The following HSD17B4 variants were observed in gnomAD, a reference collection of about 807,000 sequenced individuals.
HSD17B4 encodes peroxisomal multifunctional enzyme type 2.
A neutral mutation model predicts 101.0 loss-of-function variants in HSD17B4; 70 were observed. That is an observed-to-expected ratio of 0.69 (90% CI 0.57 to 0.85). The LOEUF (loss-of-function observed/expected upper bound fraction) is 0.85, where lower values mean the gene tolerates loss of function less well. Among genes scored for constraint, HSD17B4 ranks in the 40% least tolerant of loss-of-function variants. The pLI is 0.00. For missense variants in HSD17B4, 984 were observed against 892.4 expected (o/e 1.10, Z -1.31); for synonymous variants, 347 against 297.1 (o/e 1.17, Z -1.73).
intron 9 of HSD17B4, 121 bp downstream of exon 9, chr5:119,489,404 G>A (rs1263959284): frequency 2.1e-5 from 15 of 714,910 alleles, no homozygotes. Context: ...ATAATTAAAA[G>A]TGTTGACTAA....
At chr5:119,456,655 G>T (rs1754704849) in intron 2 of HSD17B4, 2 of 446,406 alleles carry the variant, frequency 4.5e-6, no homozygotes, top group Non-Finnish European at 8.2e-6. Flanking sequence ...GCTGAGGTGG[G>T]AGGATCGCTT....
At chr5:119,514,388 T>C (rs984567769) in intron 16 of HSD17B4, among the ~76,000 whole-genome samples, 4 of 152,218 alleles carry the variant, frequency 2.6e-5, no homozygotes, top group African/African-American at 7.2e-5. Context: ...TTATAAATGA[T>C]TGAGAAGTAG....
chr5:119,512,028 T>C (rs1752220869), intron 16 of HSD17B4, among the ~76,000 whole-genome samples: 1 of 152,050 alleles, frequency 6.6e-6, no homozygotes, highest in African/African-American at 2.4e-5. Flanking sequence ...TTACAAAGAC[T>C]CAAATAGGAA....
At chr5:119,476,815 T>G in intron 6 of HSD17B4, 1 of 474,188 alleles carries the variant, frequency 2.1e-6, no homozygotes, top group South Asian at 9.0e-5. Context: ...TTTTTCACTC[T>G]TACATTCTTC....
chr5:119,494,343 TTC>T, intron 11 of HSD17B4, among the ~76,000 whole-genome samples: 1 of 145,370 alleles, frequency 6.9e-6, no homozygotes, highest in Non-Finnish European at 1.5e-5. Flanking sequence ...CTTTCTTTCT[TTC>T]TTTCTTTCTT....
chr5:119,475,841 C>T lies in HSD17B4; in HGVS notation c.320C>T (p.Ser107Phe). 6.3e-7 allele frequency: 1 copy of T among 1,599,556 alleles called. No homozygotes were observed. Among genetic ancestry groups the T allele is most frequent in the Non-Finnish European group, 8.6e-7 (1 of 1,167,104 alleles). ...TTTTTTAGAATTCTGAGGGATCGTT[C>T]CTTTGCTAGGATAAGTGATGAAGAC... The part of the protein sequence containing the change: ...VNNAGILRDR[S>F]FARISDEDWD... The change falls in exon 6 of 24, where the codon TCC (serine) becomes TTC (phenylalanine). Residue 107 changes from serine (S) to phenylalanine (F), a missense_variant. By Grantham distance (155) the Ser-to-Phe change is radical. Coordinates refer to ENST00000510025, the MANE Select transcript of HSD17B4 (RefSeq NM_000414.4).
intron 17 of HSD17B4, among the ~76,000 whole-genome samples, chr5:119,518,543 T>C (rs1752847836): frequency 6.6e-6 from 1 of 152,086 alleles, no homozygotes; most frequent in African/African-American, 2.4e-5. Flanking sequence ...TTGCAGTGTG[T>C]TGAGAAGTAA....
At position 119,529,718 on chromosome 5, in the gene HSD17B4, C is replaced by T. The variant is rs60146316; in HGVS notation, c.1768-176C>T. ...GTAACAGTTGTATTAAATCAGAAAGCCTTTATGTTTGTTCATCTTGACATT... is the reference window on the plus strand; with the variant it reads ...GTAACAGTTGTATTAAATCAGAAAGTCTTTATGTTTGTTCATCTTGACATT... On this transcript the variant is annotated intron_variant, in intron 20 of 23. Coordinates refer to ENST00000510025, the MANE Select transcript of HSD17B4 (RefSeq NM_000414.4). Among the ~76,000 whole-genome samples the T allele has an allele frequency of 0.026, 3,923 of 152,136 alleles. 487 individuals are homozygous for T. In the East Asian group the frequency reaches 0.42, roughly 16 times the overall value.
At chr5:119,482,047 T>A (rs1284124896) in intron 8 of HSD17B4, among the ~76,000 whole-genome samples, 1 of 152,138 alleles carries the variant, frequency 6.6e-6, no homozygotes, top group Admixed American at 6.6e-5. Flanking sequence ...TGGTTTGGTG[T>A]CTGTCATTAA....
intron 7 of HSD17B4, chr5:119,478,259 A>C: frequency 6.5e-6 from 1 of 155,036 alleles, no homozygotes; most frequent in Non-Finnish European, 1.4e-5. Context: ...GTTGCACTCT[A>C]GTGCTGAGGT....
At chr5:119,530,871 CAA>C (rs1341040897) in intron 21 of HSD17B4, among the ~76,000 whole-genome samples, 2 of 93,508 alleles carry the variant, frequency 2.1e-5, no homozygotes, top group African/African-American at 8.6e-5. Context: ...AAACAAAAAA[CAA>C]AAAAAACCCA....
intron 12 of HSD17B4, 21 bp downstream of exon 12, chr5:119,496,667 A>C: frequency 7.5e-7 from 1 of 1,329,696 alleles, no homozygotes; most frequent in Admixed American, 1.7e-5. Flanking sequence ...AAAAAGCCTA[A>C]AGCGTTTGCC....
At chr5:119,529,576 TACCAAGG>T (rs1753881578) in intron 20 of HSD17B4, among the ~76,000 whole-genome samples, 1 of 82,586 alleles carries the variant, frequency 1.2e-5, no homozygotes, top group Admixed American at 1.6e-4. Context: ...ATGCCCAAAA[TACCAAGG>T]CCCAGTCTCT....
At position 119,525,260 on chromosome 5, in the gene HSD17B4, T is replaced by A. The variant is rs987656287; in HGVS notation, c.1548T>A (p.Ile516=). 3 of 1,611,798 alleles carry A rather than the reference T, an allele frequency of 1.9e-6. No homozygotes were observed. In the African/African-American group the frequency reaches 4.0e-5, roughly 22 times the overall value. ...RLSGDWNPLH[I]DPNFASLAGF... ...GTGGAGACTGGAATCCCTTACACAT[T>A]GATCCTAACTTTGCTAGTCTAGCAG... Residue 516 remains isoleucine (I), a synonymous_variant, in exon 18 of 24, where the codon ATT becomes ATA. Transcript: ENST00000510025.
In HSD17B4 at chr5:119,478,831, T is replaced by TA. The variant is rs758061281; in HGVS notation, c.435-2dup. The stretch of plus-strand genomic sequence containing the variant: ...GATATTGAGAGATTGATTTTCTTTT[T>TA]AGGATTATTATGACTTCATCAGCTT... On this transcript the variant is annotated splice_region_variant and splice_polypyrimidine_tract_variant and intron_variant, in intron 7 of 23. Transcript: ENST00000510025. The TA allele has an allele frequency of 6.2e-7, 1 of 1,610,782 alleles. No individual in the cohort carries two copies. Among genetic ancestry groups the TA allele is most frequent in the East Asian group, 2.2e-5 (1 of 44,846 alleles).
intron 2 of HSD17B4, among the ~76,000 whole-genome samples, chr5:119,461,841 T>G (rs1156846310): frequency 6.6e-6 from 1 of 152,094 alleles, no homozygotes; most frequent in African/African-American, 2.4e-5. Context: ...GCTATCATTG[T>G]GTCACTGCAC....
At chr5:119,524,320 G>C (rs1004906909) in intron 17 of HSD17B4, among the ~76,000 whole-genome samples, 1 of 151,994 alleles carries the variant, frequency 6.6e-6, no homozygotes, top group African/African-American at 2.4e-5. Context: ...AATAAAACTT[G>C]TTAAAAATAA....
chr5:119,530,172 A>C, intron 21 of HSD17B4, 192 bp downstream of exon 21: 1 of 581,338 alleles, frequency 1.7e-6, no homozygotes, highest in Non-Finnish European at 3.1e-6. Context: ...ACTTTAAAAA[A>C]CTCGTTTTGC....
At chr5:119,488,404 A>G (rs1456808765) in intron 8 of HSD17B4, among the ~76,000 whole-genome samples, 1 of 152,150 alleles carries the variant, frequency 6.6e-6, no homozygotes. Flanking sequence ...GAAGGAATAA[A>G]TTCTAGTATT....
Sources: gnomAD v4.1 joint callset for allele counts (sites outside exome capture counted in the v4.1 genomes callset) on GRCh38, gnomAD v4.1.1 for gene constraint, MANE v1.5 for transcripts, NCBI Gene and HGNC (gene_info 2026-07-23, HGNC 2026-07-21) for gene names.